PLEKHA5: variants seen among roughly 807,000 people sequenced by gnomAD.
PLEKHA5 encodes pleckstrin homology domain-containing family A member 5.
PLEKHA5 carries 55 observed loss-of-function variants against 181.9 expected under a neutral mutation model. That is an observed-to-expected ratio of 0.30 (90% CI 0.24 to 0.38). The LOEUF is 0.38. Ranked by LOEUF, PLEKHA5 falls within the 10% of genes least tolerant of loss-of-function variation. The probability of loss-of-function intolerance (pLI) is 1.00; values close to 1 mark genes in which losing one functional copy is unlikely to be tolerated. For missense variants in PLEKHA5, 1,432 were observed against 1,549.5 expected (o/e 0.92, Z 1.27); for synonymous variants, 535 against 529.4 (o/e 1.01, Z -0.15).
At chr12:19,286,133 G>A (rs953142420) in intron 12 of PLEKHA5, among the ~76,000 whole-genome samples, 2 of 152,160 alleles carry the variant, frequency 1.3e-5, no homozygotes, top group African/African-American at 2.4e-5. Context: ...GCTTTCCGGT[G>A]CTTAAAGATT....
Position 19,305,633 on chromosome 12 carries a change from C to T in PLEKHA5, c.2038-9181C>T, listed in dbSNP as rs140968971. 2.0e-4 allele frequency among the ~76,000 whole-genome samples: 30 copies of T among 150,682 alleles called. 1 individual carries two copies. The South Asian group carries it at 3.6e-3, about 18-fold the overall frequency. On this transcript the variant is annotated intron_variant, in intron 15 of 31. Coordinates refer to ENST00000429027, the MANE Select transcript of PLEKHA5 (RefSeq NM_001256470.2). ...CAGCACTTTGGGAGGCCAAGGCGGA[C>T]GAATCACCTGAGATCAGGAGTTTGA...
At chr12:19,157,176 T>A (rs1567945) in intron 3 of PLEKHA5, among the ~76,000 whole-genome samples, 135,533 of 151,832 alleles carry the variant, frequency 0.89, 61,257 homozygotes, top group Non-Finnish European at 0.97. Context: ...TATAGTGTAA[T>A]CACAAAACCC....
chr12:19,286,393 G>A (rs1229971120), intron 12 of PLEKHA5, among the ~76,000 whole-genome samples: 1 of 152,142 alleles, frequency 6.6e-6, no homozygotes, highest in Non-Finnish European at 1.5e-5. Flanking sequence ...CTATAGCGCA[G>A]TGTCAAAGAT....
At chr12:19,183,407 T>C (rs909250936) in intron 3 of PLEKHA5, among the ~76,000 whole-genome samples, 2 of 152,210 alleles carry the variant, frequency 1.3e-5, no homozygotes, top group East Asian at 3.9e-4. Flanking sequence ...TCCTACATGT[T>C]CACTTATTAT....
At chr12:19,262,311 G>A (rs371081846) in intron 7 of PLEKHA5, among the ~76,000 whole-genome samples, 1 of 152,174 alleles carries the variant, frequency 6.6e-6, no homozygotes, top group Admixed American at 6.5e-5. Context: ...TTGGCTCACT[G>A]CAACCTCCAC....
chr12:19,320,150 G>A (rs547616591), intron 17 of PLEKHA5, 94 bp downstream of exon 17: 1 of 484,874 alleles, frequency 2.1e-6, no homozygotes, highest in South Asian at 3.1e-5. Context: ...CACAGTGTGT[G>A]TTTATGTATA....
intron 3 of PLEKHA5, among the ~76,000 whole-genome samples, chr12:19,253,100 A>G (rs1367615966): frequency 2.4e-5 from 1 of 42,316 alleles, no homozygotes; most frequent in Non-Finnish European, 6.1e-5. Flanking sequence ...TGGGAGACAG[A>G]GGCTTGCTCT....
intron 7 of PLEKHA5, among the ~76,000 whole-genome samples, chr12:19,262,981 C>T (rs971282303): frequency 6.6e-6 from 1 of 152,070 alleles, no homozygotes; most frequent in Non-Finnish European, 1.5e-5. Flanking sequence ...TTAGTAGTTT[C>T]CCAGATGGGG....
intron 3 of PLEKHA5, among the ~76,000 whole-genome samples, chr12:19,232,752 A>C (rs1193912762): frequency 6.6e-6 from 1 of 152,064 alleles, no homozygotes; most frequent in Non-Finnish European, 1.5e-5. Context: ...TTCACCTCTA[A>C]AAGAAAACCA....
At chr12:19,185,222 C>CT (rs2049556247) in intron 3 of PLEKHA5, among the ~76,000 whole-genome samples, 1 of 151,848 alleles carries the variant, frequency 6.6e-6, no homozygotes. Flanking sequence ...TTCTGAGAAT[C>CT]TAACTCACAT....
At chr12:19,300,528 A>G (rs2081185468) in intron 15 of PLEKHA5, among the ~76,000 whole-genome samples, 1 of 152,166 alleles carries the variant, frequency 6.6e-6, no homozygotes, top group Non-Finnish European at 1.5e-5. Flanking sequence ...TCTTAATTTT[A>G]TGTACATTTT....
chr12:19,364,527 T>C (rs2095362374), intron 29 of PLEKHA5, among the ~76,000 whole-genome samples: 1 of 151,868 alleles, frequency 6.6e-6, no homozygotes. Flanking sequence ...AAAATATATA[T>C]GTGTCATTGC....
chr12:19,228,436 C>G (rs12828006), intron 3 of PLEKHA5, among the ~76,000 whole-genome samples: 1 of 142,790 alleles, frequency 7.0e-6, no homozygotes, highest in Non-Finnish European at 1.6e-5. Flanking sequence ...ATATTTTTCT[C>G]TGTTTTTTTC....
intron 3 of PLEKHA5, among the ~76,000 whole-genome samples, chr12:19,230,360 G>A (rs550307989): frequency 6.6e-5 from 10 of 152,282 alleles, no homozygotes; most frequent in East Asian, 1.9e-4. Context: ...CCGTGCGCCC[G>A]CACTCCTCAG....
Position 19,320,622 on chromosome 12 carries a change from G to A in PLEKHA5, c.2215G>A (p.Asp739Asn), listed in dbSNP as rs748104077. 5 of 1,377,228 alleles carry A rather than the reference G, an allele frequency of 3.6e-6. No individual in the cohort carries two copies. The South Asian group carries it at 3.7e-5, about 10-fold the overall frequency. 85.3% of individuals were successfully genotyped at this position (1,377,228 alleles called of 1,614,324 possible). A position where few individuals can be genotyped will look rare whatever the true frequency, so the allele number is the denominator to read the frequency against. The stretch of plus-strand genomic sequence containing the variant: ...ATACAGACCTGAAGAAGTAGATATT[G>A]ATGTAAGTATTAGTATGATATATGT... ...YKYRPEEVDI[D>N]AKLSRLCEQD... The change falls in exon 18 of 32, where the codon GAT becomes AAT. Residue 739 changes from aspartate (D) to asparagine (N), a missense_variant and splice_region_variant. Physicochemically the swap from Asp to Asn is conservative, Grantham distance 23. Around this residue, in one of 2 missense-constraint regions of PLEKHA5, gnomAD observed 1,143 missense variants for 1,168.4 expected, o/e 0.98. Coordinates refer to ENST00000429027, the MANE Select transcript of PLEKHA5 (RefSeq NM_001256470.2).
At chr12:19,310,198 G>T (rs550688069) in intron 15 of PLEKHA5, among the ~76,000 whole-genome samples, 1 of 152,248 alleles carries the variant, frequency 6.6e-6, no homozygotes, top group South Asian at 2.1e-4. Context: ...GTACTATTTA[G>T]TCTTTCCTCT....
At chr12:19,228,203 T>G (rs1313294575) in intron 3 of PLEKHA5, among the ~76,000 whole-genome samples, 21 of 152,218 alleles carry the variant, frequency 1.4e-4, no homozygotes, top group Admixed American at 1.4e-3. Flanking sequence ...CCCTTGTCTC[T>G]TTAGTAGCTG....
intron 11 of PLEKHA5, among the ~76,000 whole-genome samples, chr12:19,275,280 C>T (rs2074170539): frequency 6.6e-6 from 1 of 152,010 alleles, no homozygotes; most frequent in Non-Finnish European, 1.5e-5. Flanking sequence ...CAAGCCCTGT[C>T]CTCCCAACCC....
chr12:19,329,329 A>G (rs1216146848), intron 20 of PLEKHA5, among the ~76,000 whole-genome samples: 5 of 152,088 alleles, frequency 3.3e-5, no homozygotes, highest in Non-Finnish European at 7.4e-5. Context: ...AAGTTTTGGT[A>G]TGAGGGTGAT....
Sources: gnomAD v4.1 joint callset for allele counts (sites outside exome capture counted in the v4.1 genomes callset) on GRCh38, gnomAD v4.1.1 for gene constraint, gnomAD v4.1.1 regional missense constraint, MANE v1.5 for transcripts, NCBI Gene and HGNC (gene_info 2026-07-23, HGNC 2026-07-21) for gene names.